Variants in XRCC6 observed in about 807,000 individuals in gnomAD.
The protein encoded by XRCC6 is X-ray repair cross complementing 6, also known as DNA repair protein Ku70.
Under a neutral mutation model 65.7 loss-of-function variants are expected in XRCC6, and 5 were observed. The ratio of observed to expected loss-of-function variants is 0.08; its 90% CI spans 0.04 to 0.16. The LOEUF is 0.16. Ranked by LOEUF, XRCC6 falls within the 10% of genes least tolerant of loss-of-function variation. The probability of loss-of-function intolerance (pLI) is 1.00; values close to 1 mark genes in which losing one functional copy is unlikely to be tolerated. For missense variants in XRCC6, 447 were observed against 738.1 expected (o/e 0.61, Z 4.57); for synonymous variants, 270 against 270.6 (o/e 1.00, Z 0.02).
rs139912710 is a variant in XRCC6 at position 41,621,869 on chromosome 22, A to T, written c.-15-121A>T. On this transcript the variant is annotated intron_variant, in intron 1 of 12. Transcript: ENST00000360079. The stretch of plus-strand genomic sequence containing the variant: ...ACTGCCGAGCTTTCGAGGCAGCAGG[A>T]TTTACCGTCCACATTCCTCACTACT... 3,763 of 920,368 alleles carry T rather than the reference A, an allele frequency of 4.1e-3. 9 individuals carry two copies. The highest frequency in any genetic ancestry group is 5.2e-3 in the Non-Finnish European group (3,080 of 592,516). The allele number at this position is 920,368 out of a possible 1,614,324, so 57.0% of individuals were successfully genotyped here.
At chr22:41,662,576 T>A (rs919123453) in intron 12 of XRCC6, among the ~76,000 whole-genome samples, 17 of 152,226 alleles carry the variant, frequency 1.1e-4, no homozygotes, top group South Asian at 4.1e-4. Flanking sequence ...TGGATAGATA[T>A]ACCAGGTTAT....
At chr22:41,628,702 G>A (rs950973456) in intron 3 of XRCC6, among the ~76,000 whole-genome samples, 1 of 152,218 alleles carries the variant, frequency 6.6e-6, no homozygotes, top group East Asian at 1.9e-4. Context: ...TGGGCGTGGT[G>A]GCTCATGTCT....
At chr22:41,635,996 T>C in intron 3 of XRCC6, 117 bp from the exon 4 acceptor site, 1 of 884,040 alleles carries the variant, frequency 1.1e-6, no homozygotes. Flanking sequence ...GGATCTTGCC[T>C]TATTTTAGTG....
chr22:41,649,139 A>AAAAAAAAAAAATATATATAT, intron 7 of XRCC6, among the ~76,000 whole-genome samples: 3 of 88,734 alleles, frequency 3.4e-5, no homozygotes, highest in Non-Finnish European at 6.2e-5. Context: ...AAAAAAAAAA[A>AAAAAAAAAAAATATATATAT]ATATATATAT....
At position 41,652,187 on chromosome 22, in the gene XRCC6, T is replaced by C. The variant is rs192129073; in HGVS notation, c.1129+1296T>C. On this transcript the variant is annotated intron_variant, in intron 8 of 12. Coordinates refer to ENST00000360079, the MANE Select transcript of XRCC6 (RefSeq NM_001469.5). Reference sequence around the variant, plus strand: ...TAAGTCCACAGCTTTTTCTCCAGTGTTGGAAATTAAAGAGGATGTGAACCT... The same window carrying C: ...TAAGTCCACAGCTTTTTCTCCAGTGCTGGAAATTAAAGAGGATGTGAACCT... Among the ~76,000 whole-genome samples, 6 of 152,260 alleles carry C rather than the reference T, an allele frequency of 3.9e-5. No homozygotes were observed. The East Asian group carries it at 1.2e-3, about 29-fold the overall frequency.
At chr22:41,632,926 A>G (rs1342562627) in intron 3 of XRCC6, among the ~76,000 whole-genome samples, 2 of 152,096 alleles carry the variant, frequency 1.3e-5, no homozygotes, top group Non-Finnish European at 2.9e-5. Context: ...CAAGAGATCA[A>G]AACCATCCTG....
At chr22:41,647,982 TCTC>T (rs1379901802) in intron 7 of XRCC6, 2 of 150,358 alleles carry the variant, frequency 1.3e-5, no homozygotes, top group East Asian at 2.0e-4. Context: ...TTCCTTTCCT[TCTC>T]CTTCCCTTTC....
chr22:41,650,660 T>A, intron 7 of XRCC6, 63 bp from the exon 8 acceptor site: 1 of 1,554,020 alleles, frequency 6.4e-7, no homozygotes, highest in Non-Finnish European at 8.8e-7. Flanking sequence ...TGTCATCATC[T>A]TCGAGTTATT....
At chr22:41,632,020 C>T (rs547582444) in intron 3 of XRCC6, among the ~76,000 whole-genome samples, 22 of 152,172 alleles carry the variant, frequency 1.4e-4, no homozygotes, top group East Asian at 3.9e-4. Flanking sequence ...CGCAGGTGCT[C>T]GGCAGGCTGA....
Position 41,653,732 on chromosome 22 carries a change from A to G in XRCC6, c.1291+42A>G, listed in dbSNP as rs200534282. ...TTTCCAGGGCTTCTGAACCTTGCCCATACTTTGGAATCATCCATGGACTCC... is the reference window on the plus strand; with the variant it reads ...TTTCCAGGGCTTCTGAACCTTGCCCGTACTTTGGAATCATCCATGGACTCC... On this transcript the variant is annotated intron_variant, in intron 9 of 12. Transcript: ENST00000360079. 23 of 1,596,694 alleles carry G rather than the reference A, an allele frequency of 1.4e-5. No individual in the cohort carries two copies. In the Admixed American group the frequency reaches 1.7e-4, roughly 12 times the overall value.
intron 6 of XRCC6, 114 bp from the exon 7 acceptor site, chr22:41,646,782 C>T: frequency 2.2e-6 from 2 of 889,548 alleles, no homozygotes; most frequent in Non-Finnish European, 3.4e-6. Context: ...ATTTTGAGAG[C>T]TTGCTTAGGA....
chr22:41,648,218 A>C (rs2067956087), intron 7 of XRCC6: 1 of 152,044 alleles, frequency 6.6e-6, no homozygotes, highest in African/African-American at 2.4e-5. Context: ...TAACCTGTTA[A>C]ACCACAAAGA....
chr22:41,632,092 C>T (rs1028254834), intron 3 of XRCC6, among the ~76,000 whole-genome samples: 10 of 150,592 alleles, frequency 6.6e-5, no homozygotes, highest in African/African-American at 2.2e-4. Context: ...AGTCCAGCTT[C>T]GGCTCGGCAT....
rs576284712 is a variant in XRCC6 at position 41,635,098 on chromosome 22, G to A, written c.196-1015G>A. ...GGACTCCCCGTGGATTCCAAAATCC[G>A]AGGATGCCCAAGTCCCTTAAATAAA... On this transcript the variant is annotated intron_variant, in intron 3 of 12. Transcript: ENST00000360079. Among the ~76,000 whole-genome samples the A allele has an allele frequency of 4.1e-4, 63 of 152,242 alleles. 3 individuals are homozygous for A. The South Asian group carries it at 0.012, about 30-fold the overall frequency.
intron 8 of XRCC6, among the ~76,000 whole-genome samples, chr22:41,651,492 G>A (rs887492455): frequency 1.5e-5 from 2 of 136,192 alleles, no homozygotes; most frequent in African/African-American, 5.3e-5. Flanking sequence ...CCCGGGTGAG[G>A]ACTGTGGAAT....
chr22:41,653,419 A>C (rs2147109426), intron 8 of XRCC6, 110 bp from the exon 9 acceptor site: 2 of 1,042,152 alleles, frequency 1.9e-6, no homozygotes, highest in Admixed American at 4.9e-5. Context: ...AATAAATAAT[A>C]AAATTAAAAT....
At chr22:41,636,877 A>G in intron 5 of XRCC6, 107 bp downstream of exon 5, 1 of 1,410,110 alleles carries the variant, frequency 7.1e-7, no homozygotes, top group Non-Finnish European at 9.4e-7. Context: ...CCTCCCAAGT[A>G]GCTGGGACTA....
At chr22:41,637,077 G>T (rs2147084280) in intron 5 of XRCC6, among the ~76,000 whole-genome samples, 1 of 126,918 alleles carries the variant, frequency 7.9e-6, no homozygotes, top group African/African-American at 3.0e-5. Context: ...AGATTGTCTT[G>T]ATTTTTTTTT....
chr22:41,653,766 A>AAT, intron 9 of XRCC6, 76 bp downstream of exon 9: 1 of 1,509,068 alleles, frequency 6.6e-7, no homozygotes, highest in South Asian at 1.3e-5. Context: ...CCTAATGCAG[A>AAT]CCTACTGAAT....
Sources: gnomAD v4.1 joint callset for allele counts (sites outside exome capture counted in the v4.1 genomes callset) on GRCh38, gnomAD v4.1.1 for gene constraint, MANE v1.5 for transcripts, NCBI Gene and HGNC (gene_info 2026-07-23, HGNC 2026-07-21) for gene names.